The following C19orf25 variants were observed in gnomAD, a reference collection of about 807,000 sequenced individuals.
C19orf25 encodes the protein chromosome 19 open reading frame 25, also known as UPF0449 protein C19orf25.
C19orf25 carries 1 observed loss-of-function variant against 3.1 expected under a neutral mutation model. The ratio of observed to expected loss-of-function variants is 0.32; its 90% CI spans 0.12 to 1.54. The LOEUF is 1.54. Among genes scored for constraint, C19orf25 ranks in the 40% most tolerant of loss-of-function variants. C19orf25 has a pLI of 0.38. For missense variants in C19orf25, 196 were observed against 160.4 expected (o/e 1.22, Z -1.20); for synonymous variants, 91 against 74.3 (o/e 1.23, Z -1.16).
At chr19:1,476,109 G>A in intron 2 of C19orf25, 1 of 398,398 alleles carries the variant, frequency 2.5e-6, no homozygotes, top group Non-Finnish European at 4.4e-6. Context: ...ACTACGTATG[G>A]CTCCCTGCTC....
rs1242279916 is a variant in C19orf25, at chr19:1,474,860, GGC to G, written c.*170_*171del. 1 of 1,481,196 alleles carries G rather than the reference GGC, an allele frequency of 6.8e-7. No homozygotes were observed. The highest frequency in any genetic ancestry group is 1.4e-5 in the African/African-American group (1 of 71,392). 91.8% of individuals were successfully genotyped at this position (1,481,196 alleles called of 1,614,324 possible). A position where few individuals can be genotyped will look rare whatever the true frequency, so the allele number is the denominator to read the frequency against. On this transcript the variant is annotated 3_prime_UTR_variant, in exon 3 of 3. Transcript: ENST00000585675. ...CCAGCTGGGTGGGTCCCACCAACTC[GGC>G]ATGAATGAGACGACGGATGAACCGC...
intron 2 of C19orf25, among the ~76,000 whole-genome samples, chr19:1,477,800 A>G (rs1377505723): frequency 6.6e-6 from 1 of 152,174 alleles, no homozygotes; most frequent in Non-Finnish European, 1.5e-5. Flanking sequence ...GGGGGGCCCT[A>G]GCTTACCACC....
chr19:1,477,191 G>A (rs1310670671), intron 2 of C19orf25, among the ~76,000 whole-genome samples: 1 of 151,894 alleles, frequency 6.6e-6, no homozygotes, highest in Non-Finnish European at 1.5e-5. Flanking sequence ...CAGTAGAGAC[G>A]GGGTTTCACC....
chr19:1,475,052 C>T lies in C19orf25; in HGVS notation c.337G>A (p.Glu113Lys), dbSNP rs776597569. 9.4e-6 allele frequency: 15 copies of T among 1,595,028 alleles called. No homozygotes were observed. The highest frequency in any genetic ancestry group is 2.3e-5 in the East Asian group (1 of 43,816). The change falls in exon 3 of 3, where the codon GAG becomes AAG. Residue 113 changes from glutamate (E) to lysine (K), a missense_variant. Physicochemically the swap from Glu to Lys is moderately conservative, Grantham distance 56. Coordinates refer to ENST00000585675, the MANE Select transcript of C19orf25 (RefSeq NM_152482.3). ...AGAGGTCAGCCTGAGGAGGCAGCCT[C>T]GGCTGCCGGTAATGCTGCCTGCTTC... ...QMKQAALPAA[E>K]AASSG
rs761314682 is a variant in C19orf25, at chr19:1,478,947, T to A, written c.-2-42A>T. 1.3e-5 allele frequency: 20 copies of A among 1,534,236 alleles called. No homozygotes were observed. In the Admixed American group the frequency reaches 4.0e-4, roughly 31 times the overall value. On this transcript the variant is annotated intron_variant, in intron 1 of 2. Coordinates refer to ENST00000585675, the MANE Select transcript of C19orf25 (RefSeq NM_152482.3). ...GGGCGCTGACCGGGGCGTCCACCTC[T>A]CCGCCCTTGCCCGGGCTGCTCCTCC...
At chr19:1,477,450 T>G (rs1383991047) in intron 2 of C19orf25, among the ~76,000 whole-genome samples, 1 of 152,250 alleles carries the variant, frequency 6.6e-6, no homozygotes, top group African/African-American at 2.4e-5. Flanking sequence ...AATGAATGAA[T>G]GAGCCTCATC....
rs1286648045 is a variant in C19orf25, at chr19:1,474,637, C to G, written c.*395G>C. 5 of 575,714 alleles carry G rather than the reference C, an allele frequency of 8.7e-6. No individual in the cohort carries two copies. 35.7% of individuals were successfully genotyped at this position (575,714 alleles called of 1,614,324 possible). A position where few individuals can be genotyped will look rare whatever the true frequency, so the allele number is the denominator to read the frequency against. On this transcript the variant is annotated 3_prime_UTR_variant, in exon 3 of 3. Coordinates refer to ENST00000585675, the MANE Select transcript of C19orf25 (RefSeq NM_152482.3). ...ACTCGCTGGATGGAATCACAGTTAA[C>G]ACCTCGATCCCAACACCTGGACTCA...
rs772781838 is a variant in C19orf25, at chr19:1,474,946, A to G, written c.*86T>C. On this transcript the variant is annotated 3_prime_UTR_variant, in exon 3 of 3. Transcript: ENST00000585675. ...ACCCACGTGGGCTGGGACCCCGTGA[A>G]TGCCAGTCTGGGGCCGACGGACCCC... The G allele has an allele frequency of 1.3e-6, 2 of 1,529,852 alleles. No homozygotes were observed. The highest frequency in any genetic ancestry group is 3.9e-5 in the Admixed American group (2 of 50,820). The allele number at this position is 1,529,852 out of a possible 1,614,324, so 94.8% of individuals were successfully genotyped here.
chr19:1,474,819 G>A lies in C19orf25; in HGVS notation c.*213C>T, dbSNP rs1289723133. ...TCCAGAACCCCAGTGGGGCCCTCAG[G>A]TCACGCAGGACGGAGCCAGCTGGGT... On this transcript the variant is annotated 3_prime_UTR_variant, in exon 3 of 3. Transcript: ENST00000585675. The A allele has an allele frequency of 2.1e-6, 3 of 1,447,356 alleles. No individual in the cohort carries two copies. The highest frequency in any genetic ancestry group is 2.5e-5 in the East Asian group (1 of 40,006). 89.7% of individuals were successfully genotyped at this position (1,447,356 alleles called of 1,614,324 possible). A position where few individuals can be genotyped will look rare whatever the true frequency, so the allele number is the denominator to read the frequency against.
chr19:1,475,748 G>A (rs2084199364), intron 2 of C19orf25: 1 of 180,204 alleles, frequency 5.5e-6, no homozygotes, highest in African/African-American at 2.3e-5. Context: ...AGCTGGGAGA[G>A]GCACAGTGGC....
In C19orf25 at chr19:1,474,857, C is replaced by G; in HGVS notation, c.*175G>C. ...GAGCCAGCTGGGTGGGTCCCACCAA[C>G]TCGGCATGAATGAGACGACGGATGA... is the stretch of plus-strand genomic sequence containing the variant. On this transcript the variant is annotated 3_prime_UTR_variant, in exon 3 of 3. Transcript: ENST00000585675. 6.8e-7 allele frequency: 1 copy of G among 1,479,408 alleles called. No individual in the cohort carries two copies. Among genetic ancestry groups the G allele is most frequent in the Non-Finnish European group, 9.0e-7 (1 of 1,115,524 alleles). The allele number at this position is 1,479,408 out of a possible 1,614,324, so 91.6% of individuals were successfully genotyped here. A position where few individuals can be genotyped will look rare whatever the true frequency, so the allele number is the denominator to read the frequency against.
chr19:1,476,261 G>A (rs557293044), intron 2 of C19orf25: 22 of 398,644 alleles, frequency 5.5e-5, no homozygotes, highest in Middle Eastern at 6.3e-4. Flanking sequence ...CGTGCCGCAC[G>A]GGTCTGGGCT....
chr19:1,475,013 G>T lies in C19orf25; in HGVS notation c.*19C>A. The T allele has an allele frequency of 6.4e-7, 1 of 1,563,476 alleles. No homozygotes were observed. ...GCAGGCCACCTTGTGCGCTGCCCAA[G>T]CCTGCAGGCCCCGAGAGGTCAGCCT... On this transcript the variant is annotated 3_prime_UTR_variant, in exon 3 of 3. Coordinates refer to ENST00000585675, the MANE Select transcript of C19orf25 (RefSeq NM_152482.3).
chr19:1,478,786 G>A lies in C19orf25; in HGVS notation c.118C>T (p.Leu40=). The change falls in exon 2 of 3, where the codon CTG becomes TTG. Residue 40 remains leucine, a synonymous_variant. Transcript: ENST00000585675. ...APAEDPVFTI[L]APEDPPVPFR... ...GGGCTCCCCCTACCTTCCGGGGCCA[G>A]GATGGTGAACACTGGATCCTCTGCC... 6.3e-7 allele frequency: 1 copy of A among 1,577,700 alleles called. No homozygotes were observed. The highest frequency in any genetic ancestry group is 8.6e-7 in the Non-Finnish European group (1 of 1,162,534).
chr19:1,475,374 C>T (rs775902524), intron 2 of C19orf25, 116 bp from the exon 3 acceptor site: 33 of 1,087,680 alleles, frequency 3.0e-5, no homozygotes, highest in Admixed American at 1.1e-4. Flanking sequence ...GCTTGCCAGC[C>T]GGGGTCTTCT....
At chr19:1,479,066 C>T in intron 1 of C19orf25, 97 bp downstream of exon 1, 1 of 1,350,250 alleles carries the variant, frequency 7.4e-7, no homozygotes, top group South Asian at 1.8e-5. Context: ...CCCTGACCCT[C>T]CCTCCGCCCA....
intron 2 of C19orf25, among the ~76,000 whole-genome samples, chr19:1,476,722 CCCT>C (rs1454029458): frequency 6.6e-6 from 1 of 152,138 alleles, no homozygotes; most frequent in African/African-American, 2.4e-5. Context: ...GCGCAAGCAA[CCCT>C]CCTGCCTCAG....
Position 1,478,857 on chromosome 19 carries a change from G to C in C19orf25, c.47C>G (p.Ala16Gly). The change falls in exon 2 of 3, where the codon GCG (alanine) becomes GGG (glycine). Residue 16 changes from alanine (A) to glycine (G), a missense_variant. Transcript: ENST00000585675. The part of the protein sequence containing the change: ...KKRVLLPTRP[A>G]PPTVEQILED... ...CAGGATCTGCTCCACCGTGGGGGGC[G>C]CTGGGCGGGTGGGCAGCAGCACGCG... is the stretch of plus-strand genomic sequence containing the variant. The C allele has an allele frequency of 6.3e-7, 1 of 1,593,096 alleles. No homozygotes were observed. Among genetic ancestry groups the C allele is most frequent in the Non-Finnish European group, 8.5e-7 (1 of 1,171,698 alleles).
In C19orf25 at chr19:1,475,644, G is replaced by A. The variant is rs137968279; in HGVS notation, c.131-386C>T. 7.9e-3 allele frequency: 1,620 copies of A among 204,530 alleles called. 61 individuals carry two copies. Among genetic ancestry groups the A allele is most frequent in the Admixed American group, 0.078 (1,455 of 18,718 alleles). The allele number at this position is 204,530 out of a possible 1,614,324, so 12.7% of individuals were successfully genotyped here. A position where few individuals can be genotyped will look rare whatever the true frequency, so the allele number is the denominator to read the frequency against. ...GCCGAGGCTGCAATAAGCTATGATC[G>A]TGCCACGGTACTCCAGCCTGGGTGA... On this transcript the variant is annotated intron_variant, in intron 2 of 2. Coordinates refer to ENST00000585675, the MANE Select transcript of C19orf25 (RefSeq NM_152482.3).
Sources: allele counts gnomAD v4.1 joint callset (sites outside exome capture counted in the v4.1 genomes callset), GRCh38; gene constraint gnomAD v4.1.1; transcripts MANE v1.5; gene names NCBI Gene and HGNC (gene_info 2026-07-23, HGNC 2026-07-21).